The following TMED5 variants were observed in gnomAD, a reference collection of about 807,000 sequenced individuals.
The protein encoded by TMED5 is transmembrane emp24 domain-containing protein 5.
TMED5 carries 27 observed loss-of-function variants against 23.0 expected under a neutral mutation model. The ratio of observed to expected loss-of-function variants is 1.17; its 90% CI spans 0.86 to 1.62. The LOEUF (loss-of-function observed/expected upper bound fraction) is 1.62. Among genes scored for constraint, TMED5 ranks in the 40% most tolerant of loss-of-function variants. The pLI, the probability that TMED5 is intolerant of heterozygous loss-of-function variation, is 0.00. For missense variants in TMED5, 248 were observed against 273.7 expected (o/e 0.91, Z 0.66); for synonymous variants, 97 against 100.8 (o/e 0.96, Z 0.23).
chr1:93,170,577 C>G (rs1267250213), intron 1 of TMED5, among the ~76,000 whole-genome samples: 7 of 152,226 alleles, frequency 4.6e-5, no homozygotes, highest in African/African-American at 1.7e-4. Flanking sequence ...TCCACGGCAC[C>G]CAGTCCCATC....
intron 3 of TMED5, among the ~76,000 whole-genome samples, chr1:93,155,229 CAA>C (rs1648023592): frequency 6.6e-6 from 1 of 152,026 alleles, no homozygotes; most frequent in African/African-American, 2.4e-5. Flanking sequence ...GACCCTGTCT[CAA>C]AAAAAGTTTT....
chr1:93,180,358 A>G lies in TMED5; in HGVS notation c.-116T>C. 1 of 1,350,716 alleles carries G rather than the reference A, an allele frequency of 7.4e-7. No homozygotes were observed. The highest frequency in any genetic ancestry group is 1.0e-6 in the Non-Finnish European group (1 of 1,000,490). The allele number at this position is 1,350,716 out of a possible 1,614,324, so 83.7% of individuals were successfully genotyped here. On this transcript the variant is annotated 5_prime_UTR_variant, in exon 1 of 4. Transcript: ENST00000370282. Reference sequence around the variant, plus strand: ...GAAATCTGGAGTCTGAAGAAACTCCAGGTGGCGGCCGCGGCGGCGGCGAAC... The same window carrying G: ...GAAATCTGGAGTCTGAAGAAACTCCGGGTGGCGGCCGCGGCGGCGGCGAAC...
chr1:93,160,318 A>G, intron 1 of TMED5, 92 bp from the exon 2 acceptor site: 1 of 704,844 alleles, frequency 1.4e-6, no homozygotes. Context: ...AAGATTATCT[A>G]AGCTAGAGAG....
chr1:93,177,373 T>C (rs747615974), intron 1 of TMED5, among the ~76,000 whole-genome samples: 16 of 150,906 alleles, frequency 1.1e-4, no homozygotes, highest in Non-Finnish European at 1.5e-4. Context: ...AGATCAGGAG[T>C]TTGGGACCAG....
At chr1:93,163,457 G>C (rs896171933) in intron 1 of TMED5, among the ~76,000 whole-genome samples, 1 of 150,590 alleles carries the variant, frequency 6.6e-6, no homozygotes, top group African/African-American at 2.4e-5. Flanking sequence ...TGATTCTCCC[G>C]CCTCAGTGTC....
chr1:93,177,219 G>A (rs1214308855), intron 1 of TMED5, among the ~76,000 whole-genome samples: 1 of 152,130 alleles, frequency 6.6e-6, no homozygotes, highest in South Asian at 2.1e-4. Context: ...CACTGTCTAG[G>A]ATTACAGACA....
chr1:93,173,287 A>G (rs1266965179), intron 1 of TMED5, among the ~76,000 whole-genome samples: 2 of 101,756 alleles, frequency 2.0e-5, no homozygotes, highest in Admixed American at 1.2e-4. Context: ...GTATCAAAAC[A>G]TCACGCTATA....
Position 93,180,337 on chromosome 1 carries a change from T to C in TMED5, c.-95A>G. The C allele has an allele frequency of 7.1e-7, 1 of 1,417,680 alleles. No individual in the cohort carries two copies. The highest frequency in any genetic ancestry group is 9.4e-7 in the Non-Finnish European group (1 of 1,059,592). 87.8% of individuals were successfully genotyped at this position (1,417,680 alleles called of 1,614,324 possible). ...GGACTCCTCGTGGTTGACAGGGAAA[T>C]CTGGAGTCTGAAGAAACTCCAGGTG... On this transcript the variant is annotated 5_prime_UTR_variant, in exon 1 of 4. Transcript: ENST00000370282.
chr1:93,180,345 C>A lies in TMED5; in HGVS notation c.-103G>T. Reference sequence around the variant, plus strand: ...CGTGGTTGACAGGGAAATCTGGAGTCTGAAGAAACTCCAGGTGGCGGCCGC... The same window carrying A: ...CGTGGTTGACAGGGAAATCTGGAGTATGAAGAAACTCCAGGTGGCGGCCGC... On this transcript the variant is annotated 5_prime_UTR_variant, in exon 1 of 4. Transcript: ENST00000370282. 1 of 1,379,048 alleles carries A rather than the reference C, an allele frequency of 7.3e-7. No individual in the cohort carries two copies. Among genetic ancestry groups the A allele is most frequent in the Non-Finnish European group, 9.8e-7 (1 of 1,024,758 alleles). The allele number at this position is 1,379,048 out of a possible 1,614,324, so 85.4% of individuals were successfully genotyped here. A position where few individuals can be genotyped will look rare whatever the true frequency, so the allele number is the denominator to read the frequency against.
chr1:93,164,527 T>C (rs1430777370), intron 1 of TMED5, among the ~76,000 whole-genome samples: 2 of 152,180 alleles, frequency 1.3e-5, no homozygotes, highest in Admixed American at 6.5e-5. Flanking sequence ...TCAAGTCATA[T>C]GTGAAAAAAA....
chr1:93,154,424 T>C lies in TMED5; in HGVS notation c.*246A>G. The C allele has an allele frequency of 2.1e-6, 1 of 467,944 alleles. No individual in the cohort carries two copies. Among genetic ancestry groups the C allele is most frequent in the Non-Finnish European group, 3.8e-6 (1 of 265,814 alleles). The allele number at this position is 467,944 out of a possible 1,614,324, so 29.0% of individuals were successfully genotyped here. The stretch of plus-strand genomic sequence containing the variant: ...TTTCAAAGTTAGGAAAATGCAGTTA[T>C]TAATATGGCTTCATTCAGTTAAACC... On this transcript the variant is annotated 3_prime_UTR_variant, in exon 4 of 4. Coordinates refer to ENST00000370282, the MANE Select transcript of TMED5 (RefSeq NM_016040.5).
rs1647809958 is a variant in TMED5 at position 93,149,812 on chromosome 1, T to G, written c.*4858A>C. The G allele has an allele frequency of 6.6e-6, 1 of 152,192 alleles. No homozygotes were observed. Among genetic ancestry groups the G allele is most frequent in the African/African-American group, 2.4e-5 (1 of 41,448 alleles). 9.4% of individuals were successfully genotyped at this position (152,192 alleles called of 1,614,324 possible). On this transcript the variant is annotated 3_prime_UTR_variant, in exon 4 of 4. Coordinates refer to ENST00000370282, the MANE Select transcript of TMED5 (RefSeq NM_016040.5). ...ATTTTGTTAGCTATTGTTAATCTCT[T>G]AATGTGCCTAATTACAAATTAAACT...
chr1:93,171,085 G>T (rs1364853533), intron 1 of TMED5, among the ~76,000 whole-genome samples: 1 of 152,112 alleles, frequency 6.6e-6, no homozygotes, highest in Admixed American at 6.6e-5. Context: ...CACTCTTTGG[G>T]TTCACACTGC....
intron 1 of TMED5, chr1:93,161,909 C>T (rs1648293373): frequency 6.6e-6 from 1 of 152,074 alleles, no homozygotes; most frequent in South Asian, 2.1e-4. Flanking sequence ...GTCACAGATG[C>T]AAATATTTAA....
At chr1:93,175,175 T>TTATATATATATATA (rs201008342) in intron 1 of TMED5, among the ~76,000 whole-genome samples, 1,352 of 119,718 alleles carry the variant, frequency 0.011, 41 homozygotes, top group African/African-American at 0.041. Flanking sequence ...TAAAAGCCAT[T>TTATATATATATATA]TATATATATA....
intron 1 of TMED5, among the ~76,000 whole-genome samples, chr1:93,165,817 T>C (rs1648482879): frequency 6.6e-6 from 1 of 152,230 alleles, no homozygotes; most frequent in Non-Finnish European, 1.5e-5. Flanking sequence ...TTGACTATAG[T>C]CAACTGTTGT....
intron 1 of TMED5, among the ~76,000 whole-genome samples, chr1:93,179,152 G>C (rs909746604): frequency 1.0e-4 from 15 of 149,000 alleles, no homozygotes; most frequent in Non-Finnish European, 2.1e-4. Context: ...GCCTGAGGTC[G>C]GGAGTTCGAG....
At chr1:93,178,525 C>T (rs1649019954) in intron 1 of TMED5, among the ~76,000 whole-genome samples, 1 of 152,076 alleles carries the variant, frequency 6.6e-6, no homozygotes, top group African/African-American at 2.4e-5. Context: ...CTTTATTAAG[C>T]TCTTTGAGAA....
intron 1 of TMED5, among the ~76,000 whole-genome samples, chr1:93,170,345 C>T (rs1262002857): frequency 6.6e-6 from 1 of 152,210 alleles, no homozygotes; most frequent in Admixed American, 6.5e-5. Flanking sequence ...GTGGGCTCCG[C>T]GGCCCCGCAC....
Sources: allele counts gnomAD v4.1 joint callset (sites outside exome capture counted in the v4.1 genomes callset), GRCh38; gene constraint gnomAD v4.1.1; transcripts MANE v1.5; gene names NCBI Gene and HGNC (gene_info 2026-07-23, HGNC 2026-07-21).